CACNA1E: variants seen among roughly 807,000 people sequenced by gnomAD.
CACNA1E encodes the protein calcium voltage-gated channel subunit alpha1 E.
In CACNA1E, 40 loss-of-function variants were observed where a neutral mutation model predicts 259.2. The observed-to-expected ratio is 0.15, with a 90% CI of 0.12 to 0.20. The LOEUF is 0.20. Among genes scored for constraint, CACNA1E ranks in the 10% least tolerant of loss-of-function variants. The probability of loss-of-function intolerance (pLI) is 1.00; values close to 1 mark genes in which losing one functional copy is unlikely to be tolerated. For missense variants in CACNA1E, 1,874 were observed against 3,040.1 expected (o/e 0.62, Z 9.02); for synonymous variants, 1,104 against 1,138.5 (o/e 0.97, Z 0.61).
intron 1 of CACNA1E, among the ~76,000 whole-genome samples, chr1:181,320,405 C>T (rs1650251000): frequency 6.6e-6 from 1 of 152,196 alleles, no homozygotes; most frequent in South Asian, 2.1e-4. Context: ...ATCTGCCAGA[C>T]AGCTAAGTTC....
rs142139347 is a variant in CACNA1E, at chr1:181,404,343, G to C, written c.-14-8790G>C. 2.4e-4 allele frequency among the ~76,000 whole-genome samples: 37 copies of C among 152,302 alleles called. No homozygotes were observed. The East Asian group carries it at 7.1e-3, about 29-fold the overall frequency. ...TTGTGTCTTATTGCAGAACGTCAGGGAACACCTGTCTGAGTTGTGCACCTG... is the reference window on the plus strand; with the variant it reads ...TTGTGTCTTATTGCAGAACGTCAGGCAACACCTGTCTGAGTTGTGCACCTG... On this transcript the variant is annotated intron_variant, in intron 1 of 11. Transcript: ENST00000524607.
chr1:181,514,810 C>T (rs1334418240), intron 3 of CACNA1E, among the ~76,000 whole-genome samples: 2 of 152,212 alleles, frequency 1.3e-5, no homozygotes, highest in Non-Finnish European at 2.9e-5. Context: ...GGGGCCTGGG[C>T]TACCACATTC....
chr1:181,675,346 C>T (rs1276850258), intron 7 of CACNA1E, among the ~76,000 whole-genome samples: 1 of 152,168 alleles, frequency 6.6e-6, no homozygotes, highest in Non-Finnish European at 1.5e-5. Context: ...ACAGTGGGAA[C>T]AGGGGTAATT....
intron 1 of CACNA1E, among the ~76,000 whole-genome samples, chr1:181,370,275 T>G (rs1490285989): frequency 1.3e-5 from 2 of 152,084 alleles, no homozygotes; most frequent in East Asian, 1.9e-4. Context: ...TCATAGTTTT[T>G]TTTTTTTTTT....
At chr1:181,790,848 G>A (rs1017005662) in intron 44 of CACNA1E, among the ~76,000 whole-genome samples, 2 of 152,210 alleles carry the variant, frequency 1.3e-5, no homozygotes, top group African/African-American at 4.8e-5. Flanking sequence ...AAGACCGGAA[G>A]TCACTTATAA....
chr1:181,623,570 A>G (rs1435923105), intron 6 of CACNA1E, among the ~76,000 whole-genome samples: 1 of 152,246 alleles, frequency 6.6e-6, no homozygotes, highest in East Asian at 1.9e-4. Flanking sequence ...ATATATGGGC[A>G]TACCTTGGAG....
intron 16 of CACNA1E, among the ~76,000 whole-genome samples, chr1:181,724,054 G>C (rs549317165): frequency 6.6e-6 from 1 of 152,316 alleles, no homozygotes; most frequent in African/African-American, 2.4e-5. Context: ...TCATGCCTTG[G>C]TTTGGTGACC....
intron 1 of CACNA1E, among the ~76,000 whole-genome samples, chr1:181,324,270 C>T (rs978922087): frequency 5.3e-5 from 8 of 152,000 alleles, no homozygotes; most frequent in Non-Finnish European, 1.0e-4. Flanking sequence ...AAAATCAGAC[C>T]GTAATGAATG....
chr1:181,526,234 A>T (rs1185865898), intron 3 of CACNA1E, among the ~76,000 whole-genome samples: 2 of 152,052 alleles, frequency 1.3e-5, no homozygotes, highest in South Asian at 4.2e-4. Context: ...TATTATAATC[A>T]CTACTAGATG....
At chr1:181,689,259 G>C (rs1298174428) in intron 7 of CACNA1E, among the ~76,000 whole-genome samples, 4 of 151,994 alleles carry the variant, frequency 2.6e-5, no homozygotes, top group African/African-American at 9.7e-5. Context: ...GTGTTAGTTT[G>C]CTGAGAATGA....
At chr1:181,791,922 C>T (rs145279454) in intron 44 of CACNA1E, among the ~76,000 whole-genome samples, 73 of 152,314 alleles carry the variant, frequency 4.8e-4, no homozygotes, top group African/African-American at 1.6e-3. Flanking sequence ...CAAACAAATG[C>T]GTGCTTCTAT....
chr1:181,578,959 A>G (rs887589013), intron 4 of CACNA1E, 113 bp from the exon 5 acceptor site: 15 of 867,778 alleles, frequency 1.7e-5, no homozygotes, highest in African/African-American at 3.4e-5. Flanking sequence ...AATTTAATCT[A>G]TCAGAGGCAG....
chr1:181,788,455 A>G (rs2102859660), intron 43 of CACNA1E, among the ~76,000 whole-genome samples: 1 of 152,298 alleles, frequency 6.6e-6, no homozygotes, highest in African/African-American at 2.4e-5. Context: ...GAAAGAAGAA[A>G]AGTTGCATTT....
chr1:181,535,983 G>A (rs1207221822), intron 3 of CACNA1E, among the ~76,000 whole-genome samples: 1 of 152,026 alleles, frequency 6.6e-6, no homozygotes, highest in Non-Finnish European at 1.5e-5. Context: ...CACCATGCCT[G>A]GCCAACATGA....
At chr1:181,524,793 G>A (rs1029343679) in intron 3 of CACNA1E, among the ~76,000 whole-genome samples, 4 of 152,236 alleles carry the variant, frequency 2.6e-5, no homozygotes, top group African/African-American at 9.6e-5. Context: ...CAGCCTAGTT[G>A]CAGGTGAGAC....
chr1:181,782,842 G>A (rs755234800), intron 39 of CACNA1E, among the ~76,000 whole-genome samples: 2 of 152,178 alleles, frequency 1.3e-5, no homozygotes, highest in African/African-American at 4.8e-5. Flanking sequence ...CCTTGAATTT[G>A]TACCTCTGGG....
chr1:181,378,454 C>T (rs1394832173), intron 1 of CACNA1E, among the ~76,000 whole-genome samples: 1 of 152,176 alleles, frequency 6.6e-6, no homozygotes, highest in Non-Finnish European at 1.5e-5. Flanking sequence ...CCAGCAGACT[C>T]CCTGAATTGA....
At chr1:181,646,062 C>T (rs1280060740) in intron 6 of CACNA1E, among the ~76,000 whole-genome samples, 1 of 152,180 alleles carries the variant, frequency 6.6e-6, no homozygotes, top group African/African-American at 2.4e-5. Flanking sequence ...GTGAATTTTC[C>T]TTTCCCTAGG....
chr1:181,793,064 A>G (rs1661468488), intron 44 of CACNA1E, among the ~76,000 whole-genome samples: 1 of 152,266 alleles, frequency 6.6e-6, no homozygotes, highest in African/African-American at 2.4e-5. Context: ...GGTTAACAAC[A>G]TGGTTACTTG....
Sources: allele counts gnomAD v4.1 joint callset (sites outside exome capture counted in the v4.1 genomes callset), GRCh38; gene constraint gnomAD v4.1.1; transcripts MANE v1.5; gene names NCBI Gene and HGNC (gene_info 2026-07-23, HGNC 2026-07-21).